Variants in CASK observed in about 807,000 individuals in gnomAD.
CASK encodes the protein calcium/calmodulin dependent serine protein kinase.
Under a neutral mutation model 82.9 loss-of-function variants are expected in CASK, and 4 were observed. The ratio of observed to expected loss-of-function variants is 0.05; its 90% confidence interval spans 0.02 to 0.11. CASK has a LOEUF of 0.11. CASK is among the 10% of genes least tolerant of loss of function. CASK has a pLI of 1.00. For synonymous variants in CASK, 259 were observed against 253.5 expected, an observed-to-expected ratio of 1.02 and a Z score of -0.20; for missense variants, 358 against 720.9, an observed-to-expected ratio of 0.50 and a Z score of 5.76.
At chrX:41,532,086 C>T (rs2064812172) in intron 24 of CASK, among the ~76,000 whole-genome samples, 1 of 111,305 alleles carries the variant, frequency 9.0e-6, no homozygotes, top group South Asian at 3.8e-4. Context: ...TAGGCGTGTA[C>T]CACCATGCCC....
chrX:41,737,432 G>A (rs998597196), intron 5 of CASK, among the ~76,000 whole-genome samples: 4 of 112,020 alleles, frequency 3.6e-5, no homozygotes, highest in Non-Finnish European at 7.5e-5. Flanking sequence ...ATCTGCTACA[G>A]TAGATAAGAG....
chrX:41,769,352 T>C (rs2069174004), intron 3 of CASK, among the ~76,000 whole-genome samples: 1 of 108,936 alleles, frequency 9.2e-6, no homozygotes, highest in South Asian at 4.0e-4. Context: ...CATACCCCCA[T>C]GCTTGGCTAA....
Position 41,917,502 on chromosome X carries a change from T to C in CASK, c.59+5428A>G, listed in dbSNP as rs776118443. On this transcript the variant is annotated intron_variant, in intron 1 of 26. Coordinates refer to ENST00000378163, the MANE Select transcript of CASK (RefSeq NM_001367721.1). The stretch of plus-strand genomic sequence containing the variant: ...AAGGTATATCTGCTCCTTCAATTTA[T>C]TGAGTAGAACTACAGCTGGAGACAG... 3.6e-5 allele frequency among the ~76,000 whole-genome samples: 4 copies of C among 112,137 alleles called. No homozygotes were observed. In the South Asian group the frequency reaches 1.1e-3, roughly 31 times the overall value.
rs565001050 is a variant in CASK, at chrX:41,702,755, C to T, written c.430-31225G>A. 4.4e-5 allele frequency among the ~76,000 whole-genome samples: 5 copies of T among 112,448 alleles called. No individual in the cohort carries two copies. The South Asian group carries it at 1.8e-3, about 41-fold the overall frequency. On this transcript the variant is annotated intron_variant, in intron 5 of 26. Coordinates refer to ENST00000378163, the MANE Select transcript of CASK (RefSeq NM_001367721.1). The stretch of plus-strand genomic sequence containing the variant: ...GTTGCAGTGAGCTGAGATTGCACCA[C>T]TGCACTCCAGCCTGATGAAAGAGTG...
chrX:41,642,705 C>G (rs2066680607), intron 8 of CASK, among the ~76,000 whole-genome samples: 2 of 111,931 alleles, frequency 1.8e-5, no homozygotes. Flanking sequence ...GTTGCCTGTT[C>G]ACTCTGACAG....
chrX:41,762,239 T>G (rs973776119), intron 3 of CASK, among the ~76,000 whole-genome samples: 18 of 112,084 alleles, frequency 1.6e-4, no homozygotes, highest in African/African-American at 5.5e-4. Flanking sequence ...TCAATAGAAT[T>G]TATGACAATG....
chrX:41,709,905 C>T (rs2067944378), intron 5 of CASK, among the ~76,000 whole-genome samples: 1 of 110,794 alleles, frequency 9.0e-6, no homozygotes, highest in Admixed American at 9.7e-5. Context: ...GGGGACTTCA[C>T]CTTAAGACAA....
chrX:41,702,278 G>C (rs1179200915), intron 5 of CASK, among the ~76,000 whole-genome samples: 1 of 109,997 alleles, frequency 9.1e-6, no homozygotes, highest in African/African-American at 3.3e-5. Flanking sequence ...CCAGCTACTC[G>C]GGAGGCTGAG....
intron 5 of CASK, among the ~76,000 whole-genome samples, chrX:41,717,769 A>G (rs1415671102): frequency 1.8e-5 from 2 of 111,973 alleles, no homozygotes; most frequent in Non-Finnish European, 3.8e-5. Context: ...ATTTGGCGGT[A>G]TCTTTTGAGT....
chrX:41,633,951 G>A (rs1042003474), intron 9 of CASK, among the ~76,000 whole-genome samples: 2 of 110,608 alleles, frequency 1.8e-5, no homozygotes, highest in Non-Finnish European at 3.8e-5. Context: ...TTGTAGAGAC[G>A]GGGTTTCACC....
chrX:41,803,033 C>CA (rs1247336663), intron 2 of CASK, among the ~76,000 whole-genome samples: 6 of 109,816 alleles, frequency 5.5e-5, no homozygotes, highest in Non-Finnish European at 9.5e-5. Context: ...CCAAAAAAAC[C>CA]AAAAAAGCAA....
At chrX:41,653,628 T>G (rs1296933030) in intron 8 of CASK, among the ~76,000 whole-genome samples, 1 of 111,785 alleles carries the variant, frequency 8.9e-6, no homozygotes, top group Admixed American at 9.5e-5. Context: ...CTACGACCTG[T>G]GGTTACCACG....
At chrX:41,663,789 A>C (rs2067073157) in intron 7 of CASK, among the ~76,000 whole-genome samples, 1 of 112,118 alleles carries the variant, frequency 8.9e-6, no homozygotes, top group Non-Finnish European at 1.9e-5. Context: ...TAAGCACTTT[A>C]CTTATGTAAA....
intron 1 of CASK, among the ~76,000 whole-genome samples, chrX:41,856,115 C>T (rs758376691): frequency 8.9e-6 from 1 of 111,812 alleles, no homozygotes; most frequent in South Asian, 3.7e-4. Context: ...ATTCTGATAA[C>T]AAAGGTAAAT....
At chrX:41,844,273 A>G (rs971163203) in intron 2 of CASK, among the ~76,000 whole-genome samples, 3 of 111,731 alleles carry the variant, frequency 2.7e-5, no homozygotes, top group African/African-American at 9.7e-5. Context: ...TTTTTCAGAA[A>G]TATGTGTGAA....
chrX:41,796,375 G>A (rs1179624932), intron 2 of CASK, among the ~76,000 whole-genome samples: 4 of 112,252 alleles, frequency 3.6e-5, no homozygotes, highest in Middle Eastern at 4.7e-3. Context: ...ATCATTTTTG[G>A]TGGAAATCAT....
intron 3 of CASK, among the ~76,000 whole-genome samples, chrX:41,767,105 C>A (rs1397321546): frequency 1.8e-5 from 2 of 111,382 alleles, no homozygotes; most frequent in African/African-American, 6.5e-5. Flanking sequence ...GTAAAGAAAA[C>A]TTTTTATTTT....
At chrX:41,677,934 G>A (rs1045559837) in intron 5 of CASK, among the ~76,000 whole-genome samples, 1 of 112,168 alleles carries the variant, frequency 8.9e-6, no homozygotes, top group African/African-American at 3.2e-5. Flanking sequence ...TTTCATTTTT[G>A]CTTCATCTAT....
At chrX:41,612,588 C>T (rs1316086386) in intron 11 of CASK, among the ~76,000 whole-genome samples, 60 of 90,967 alleles carry the variant, frequency 6.6e-4, no homozygotes, top group Middle Eastern at 0.016. Flanking sequence ...CGCCTCTGCC[C>T]AGCCGCCCCT....
Sources: gnomAD v4.1 joint callset for allele counts (sites outside exome capture counted in the v4.1 genomes callset) on GRCh38, gnomAD v4.1.1 for gene constraint, MANE v1.5 for transcripts, NCBI Gene and HGNC (gene_info 2026-07-23, HGNC 2026-07-21) for gene names.